HDAC4: variants seen among roughly 807,000 people sequenced by gnomAD.
The protein encoded by HDAC4 is histone deacetylase A.
In HDAC4, 16 loss-of-function variants were observed where a neutral mutation model predicts 135.1. The observed-to-expected ratio is 0.12, with a 90% confidence interval of 0.08 to 0.18. The LOEUF is 0.18. HDAC4 is among the 10% of genes least tolerant of loss of function. The probability of loss-of-function intolerance (pLI) is 1.00; values close to 1 mark genes in which losing one functional copy is unlikely to be tolerated. For missense variants in HDAC4, 1,143 were observed against 1,511.8 expected, an observed-to-expected ratio of 0.76 and a Z score of 4.05; for synonymous variants, 685 against 653.4, an observed-to-expected ratio of 1.05 and a Z score of -0.74.
Position 239,115,062 on chromosome 2 carries a change from G to A in HDAC4, c.1782C>T (p.Leu594=). 4 of 1,610,596 alleles carry A rather than the reference G, an allele frequency of 2.5e-6. No homozygotes were observed. The highest frequency in any genetic ancestry group is 2.7e-5 in the African/African-American group (2 of 75,064). Residue 594 remains leucine, a synonymous_variant, in exon 13 of 27, where the codon CTC becomes CTT. Transcript: ENST00000543185. The surrounding 1 kb of genome is among the most constrained non-coding windows in gnomAD (Gnocchi z 6.3). Reference sequence around the variant, plus strand: ...CCCCGCCTGCGGTCACCTGTCTGAAGAGCAGCTCCTGCTCACTGGGCTGGC... The same window carrying A: ...CCCCGCCTGCGGTCACCTGTCTGAAAAGCAGCTCCTGCTCACTGGGCTGGC... ...GQRQPSEQEL[L]FRQQALLLEQ...
intron 2 of HDAC4, among the ~76,000 whole-genome samples, chr2:239,295,683 G>T (rs1173848972): frequency 2.0e-5 from 3 of 152,154 alleles, no homozygotes; most frequent in African/African-American, 7.2e-5. Context: ...ATTCTGTTTT[G>T]TGTCTCGTTT....
chr2:239,189,164 G>A (rs1182868252), intron 4 of HDAC4, among the ~76,000 whole-genome samples: 1 of 152,190 alleles, frequency 6.6e-6, no homozygotes, highest in Non-Finnish European at 1.5e-5. Context: ...ATATACTCAT[G>A]TATATTTCTA....
intron 4 of HDAC4, among the ~76,000 whole-genome samples, chr2:239,185,457 G>C (rs1467737044): frequency 1.3e-5 from 2 of 150,736 alleles, no homozygotes; most frequent in Non-Finnish European, 3.0e-5. Context: ...GGTGTCCCGT[G>C]CCTCCTGGGG....
chr2:239,159,774 T>C (rs1215010761), intron 6 of HDAC4, among the ~76,000 whole-genome samples: 1 of 152,218 alleles, frequency 6.6e-6, no homozygotes, highest in Non-Finnish European at 1.5e-5. Context: ...CTGCTCCCTC[T>C]ACCTCACCTG....
intron 1 of HDAC4, among the ~76,000 whole-genome samples, chr2:239,384,945 A>G (rs1695686661): frequency 6.6e-6 from 1 of 152,208 alleles, no homozygotes; most frequent in Non-Finnish European, 1.5e-5. Context: ...CCGGGCCCAG[A>G]AACTGATGGG....
At chr2:239,350,209 G>A (rs994502128) in intron 2 of HDAC4, among the ~76,000 whole-genome samples, 1 of 151,824 alleles carries the variant, frequency 6.6e-6, no homozygotes, top group Non-Finnish European at 1.5e-5. Context: ...TAAACAAAGA[G>A]AAATATATTA....
At chr2:239,298,477 C>T in intron 2 of HDAC4, 1 of 1,131,714 alleles carries the variant, frequency 8.8e-7, no homozygotes, top group South Asian at 2.1e-5. Context: ...CCAGCTATTA[C>T]AATCACACTG....
chr2:239,113,853 T>C (rs2152805698), intron 13 of HDAC4, among the ~76,000 whole-genome samples: 1 of 152,202 alleles, frequency 6.6e-6, no homozygotes, highest in East Asian at 1.9e-4. Context: ...TTGCCAAGCG[T>C]TAGTTCTGCT....
chr2:239,225,988 G>C (rs1286738199), intron 3 of HDAC4, among the ~76,000 whole-genome samples: 1 of 152,168 alleles, frequency 6.6e-6, no homozygotes, highest in Non-Finnish European at 1.5e-5. Flanking sequence ...AAATGTGGCT[G>C]CTGAGAAGGA....
intron 2 of HDAC4, among the ~76,000 whole-genome samples, chr2:239,248,696 C>T (rs913004270): frequency 6.6e-6 from 1 of 152,148 alleles, no homozygotes. Context: ...TCATGGTTCT[C>T]ACCAGAGAAA....
At chr2:239,096,669 C>T (rs1391027647) in intron 16 of HDAC4, among the ~76,000 whole-genome samples, 1 of 74,738 alleles carries the variant, frequency 1.3e-5, no homozygotes, top group African/African-American at 6.2e-5. Flanking sequence ...GCCCACCCCC[C>T]CCATGGACGC....
At chr2:239,066,572 G>C in intron 24 of HDAC4, 150 bp downstream of exon 24, 1 of 985,256 alleles carries the variant, frequency 1.0e-6, no homozygotes, top group Non-Finnish European at 1.6e-6. Context: ...GCTATGCGGG[G>C]GTGGGGGGCA....
intron 6 of HDAC4, 90 bp downstream of exon 6, chr2:239,163,713 A>C (rs2042960053): frequency 9.1e-5 from 122 of 1,333,662 alleles, no homozygotes; most frequent in East Asian, 2.1e-4. Flanking sequence ...CCTCCGGTGA[A>C]GAGCTGGCTC....
Position 239,144,851 on chromosome 2 carries a change from G to A in HDAC4, c.734-137C>T, listed in dbSNP as rs949374132. 2.4e-5 allele frequency: 20 copies of A among 847,554 alleles called. 1 individual carries two copies. The highest frequency in any genetic ancestry group is 8.4e-5 in the African/African-American group (5 of 59,546). The allele number at this position is 847,554 out of a possible 1,614,324, so 52.5% of individuals were successfully genotyped here. On this transcript the variant is annotated intron_variant, in intron 7 of 26. Transcript: ENST00000543185. The stretch of plus-strand genomic sequence containing the variant: ...CTGCTGTGTTGCTGCAGGGGAGAGC[G>A]CAGGGAGCTCACGAAGCAGGGGATT...
chr2:239,053,206 GT>G, intron 26 of HDAC4, 70 bp from the exon 27 acceptor site: 1 of 1,585,148 alleles, frequency 6.3e-7, no homozygotes, highest in Admixed American at 1.7e-5. Flanking sequence ...AGAACAGAAC[GT>G]GGGTTAAAGG....
At chr2:239,063,302 G>A (rs1442537744) in intron 24 of HDAC4, among the ~76,000 whole-genome samples, 3 of 151,800 alleles carry the variant, frequency 2.0e-5, no homozygotes, top group Admixed American at 6.6e-5. Context: ...CCGGGTTCAC[G>A]CCATTCTCCT....
chr2:239,131,409 G>C (rs1196651611), intron 11 of HDAC4, among the ~76,000 whole-genome samples: 1 of 152,232 alleles, frequency 6.6e-6, no homozygotes, highest in Non-Finnish European at 1.5e-5. Context: ...CTGTCCAGGA[G>C]ACCAACTCAA....
At chr2:239,160,833 T>C (rs1009313967) in intron 6 of HDAC4, among the ~76,000 whole-genome samples, 11 of 152,214 alleles carry the variant, frequency 7.2e-5, no homozygotes, top group Non-Finnish European at 1.2e-4. Context: ...CGGAGAAGCA[T>C]TGCTGGGTCA....
Position 239,068,303 on chromosome 2 carries a change from G to A in HDAC4, c.2869+186C>T, listed in dbSNP as rs556513256. On this transcript the variant is annotated intron_variant, in intron 23 of 26. Transcript: ENST00000543185. The surrounding 1 kb of genome is among the most constrained non-coding windows in gnomAD (Gnocchi z 4.4). ...CCGAGGTGCCTGGGTCTGAGCTCCCGCTGCCTGCTCTGGGCTCTCTGGGGC... is the reference window on the plus strand; with the variant it reads ...CCGAGGTGCCTGGGTCTGAGCTCCCACTGCCTGCTCTGGGCTCTCTGGGGC... 1.3e-5 allele frequency among the ~76,000 whole-genome samples: 2 copies of A among 152,164 alleles called. No homozygotes were observed. The highest frequency in any genetic ancestry group is 2.9e-5 in the Non-Finnish European group (2 of 68,000).
Sources: gnomAD v4.1 joint callset for allele counts (sites outside exome capture counted in the v4.1 genomes callset) on GRCh38, gnomAD v4.1.1 for gene constraint, Gnocchi (gnomAD v3.1) non-coding constraint, MANE v1.5 for transcripts, NCBI Gene and HGNC (gene_info 2026-07-23, HGNC 2026-07-21) for gene names.